The following HNRNPLL variants were observed in gnomAD, a reference collection of about 807,000 sequenced individuals.
HNRNPLL encodes the protein heterogeneous nuclear ribonucleoprotein L like, also known as heterogeneous nuclear ribonucleoprotein L-like.
HNRNPLL carries 25 observed loss-of-function variants against 67.1 expected under a neutral mutation model. The ratio of observed to expected loss-of-function variants is 0.37; its 90% confidence interval spans 0.27 to 0.52. The LOEUF is 0.52. HNRNPLL is among the 20% of genes least tolerant of loss of function. The pLI is 0.90. For synonymous variants in HNRNPLL, 267 were observed against 241.7 expected (o/e 1.10, Z -0.97); for missense variants, 542 against 673.9 (o/e 0.80, Z 2.17).
intron 6 of HNRNPLL, 137 bp downstream of exon 6, chr2:38,581,776 T>C: frequency 7.6e-6 from 5 of 662,122 alleles, no homozygotes; most frequent in Non-Finnish European, 1.3e-5. Flanking sequence ...CAGCATTACA[T>C]GGCCTTTTGC....
intron 1 of HNRNPLL, among the ~76,000 whole-genome samples, chr2:38,593,532 T>C (rs982614505): frequency 1.3e-5 from 2 of 152,178 alleles, no homozygotes. Context: ...GCCTGAACTC[T>C]TCAAAAAGTT....
chr2:38,565,697 C>T (rs1017951185), intron 12 of HNRNPLL, among the ~76,000 whole-genome samples: 12 of 134,594 alleles, frequency 8.9e-5, no homozygotes, highest in African/African-American at 2.6e-4. Context: ...CCACTGCATT[C>T]CAGGCTAGGA....
chr2:38,598,747 C>T (rs902196465), intron 1 of HNRNPLL, among the ~76,000 whole-genome samples: 4 of 152,152 alleles, frequency 2.6e-5, no homozygotes, highest in Non-Finnish European at 4.4e-5. Context: ...GCTCTATGAA[C>T]AGCTCTTTTC....
rs755715926 is a variant in HNRNPLL at position 38,563,111 on chromosome 2, T to A, written c.*1071A>T. On this transcript the variant is annotated 3_prime_UTR_variant, in exon 13 of 13. Transcript: ENST00000449105. Reference sequence around the variant, plus strand: ...TAACAATCGTGCTATAGTCTCTTAATACCATGTTTGGTCCTTAAATCTTAC... The same window carrying A: ...TAACAATCGTGCTATAGTCTCTTAAAACCATGTTTGGTCCTTAAATCTTAC... 2.0e-5 allele frequency: 3 copies of A among 151,936 alleles called. No homozygotes were observed. Among genetic ancestry groups the A allele is most frequent in the African/African-American group, 4.8e-5 (2 of 41,360 alleles). 9.4% of individuals were successfully genotyped at this position (151,936 alleles called of 1,614,324 possible). A position where few individuals can be genotyped will look rare whatever the true frequency, so the allele number is the denominator to read the frequency against.
intron 1 of HNRNPLL, among the ~76,000 whole-genome samples, chr2:38,596,176 C>A (rs1667181344): frequency 6.6e-6 from 1 of 152,128 alleles, no homozygotes; most frequent in South Asian, 2.1e-4. Context: ...CGTTTTCCCC[C>A]TTTTCCCCCA....
chr2:38,575,775 T>C (rs1666278632), intron 7 of HNRNPLL, among the ~76,000 whole-genome samples: 1 of 151,806 alleles, frequency 6.6e-6, no homozygotes, highest in Non-Finnish European at 1.5e-5. Context: ...TCTGAAGGGA[T>C]ACATTTGTGA....
At chr2:38,580,704 C>T (rs1473427924) in intron 6 of HNRNPLL, among the ~76,000 whole-genome samples, 2 of 152,186 alleles carry the variant, frequency 1.3e-5, no homozygotes, top group African/African-American at 4.8e-5. Context: ...AATTGCCACA[C>T]AGTTAGTTGA....
chr2:38,575,168 A>G (rs1421640560), intron 7 of HNRNPLL, among the ~76,000 whole-genome samples: 1 of 151,818 alleles, frequency 6.6e-6, no homozygotes, highest in African/African-American at 2.4e-5. Context: ...TATAATTATG[A>G]CTTTGAGCCA....
Position 38,569,642 on chromosome 2 carries a change from T to C in HNRNPLL, c.1214+162A>G, listed in dbSNP as rs537736680. On this transcript the variant is annotated intron_variant, in intron 9 of 12. Transcript: ENST00000449105. ...GTATCGCTAAGCAAAATCTGAGTGA[T>C]ACGACCCTAACTCTTGTCTAAAATA... 5.9e-5 allele frequency among the ~76,000 whole-genome samples: 9 copies of C among 152,342 alleles called. No individual in the cohort carries two copies. The South Asian group carries it at 1.9e-3, about 32-fold the overall frequency.
At chr2:38,579,977 T>C (rs1238222792) in intron 6 of HNRNPLL, among the ~76,000 whole-genome samples, 2 of 152,188 alleles carry the variant, frequency 1.3e-5, no homozygotes, top group Non-Finnish European at 1.5e-5. Context: ...TATTCACATA[T>C]ATACCTTATA....
intron 2 of HNRNPLL, among the ~76,000 whole-genome samples, chr2:38,586,350 T>C (rs1276669426): frequency 6.6e-6 from 1 of 152,168 alleles, no homozygotes; most frequent in Non-Finnish European, 1.5e-5. Context: ...GTACAACAGG[T>C]AGATGTACAC....
At chr2:38,592,535 G>C (rs1667004087) in intron 1 of HNRNPLL, among the ~76,000 whole-genome samples, 1 of 152,186 alleles carries the variant, frequency 6.6e-6, no homozygotes, top group African/African-American at 2.4e-5. Context: ...GGATGAATAA[G>C]AACTACTCAA....
intron 1 of HNRNPLL, among the ~76,000 whole-genome samples, chr2:38,595,238 C>A (rs1394147586): frequency 1.5e-5 from 2 of 136,546 alleles, no homozygotes; most frequent in Non-Finnish European, 3.1e-5. Context: ...CAAGATCGTG[C>A]CACTCCAGCC....
At chr2:38,575,888 GCT>G (rs981075940) in intron 7 of HNRNPLL, among the ~76,000 whole-genome samples, 21 of 151,150 alleles carry the variant, frequency 1.4e-4, no homozygotes, top group Admixed American at 2.6e-4. Flanking sequence ...CTCTTTATTC[GCT>G]CTCTTTCCTC....
chr2:38,586,883 G>A (rs989030332), intron 2 of HNRNPLL, among the ~76,000 whole-genome samples: 1 of 152,094 alleles, frequency 6.6e-6, no homozygotes, highest in Non-Finnish European at 1.5e-5. Context: ...CTTTTTGGAG[G>A]AGATATATTT....
intron 2 of HNRNPLL, 134 bp from the exon 3 acceptor site, chr2:38,586,015 C>T (rs76078344): frequency 7.6e-6 from 5 of 658,292 alleles, no homozygotes; most frequent in South Asian, 5.6e-5. Flanking sequence ...CTGTGTCCAA[C>T]GTAAGTCAAC....
intron 1 of HNRNPLL, chr2:38,602,201 G>A (rs1234693521): frequency 4.0e-6 from 2 of 493,956 alleles, no homozygotes; most frequent in Non-Finnish European, 7.0e-6. Flanking sequence ...CCCAAGTTCA[G>A]GGCCCGGCAG....
chr2:38,595,526 T>C (rs989314838), intron 1 of HNRNPLL, among the ~76,000 whole-genome samples: 3 of 152,070 alleles, frequency 2.0e-5, no homozygotes, highest in Admixed American at 6.6e-5. Flanking sequence ...TGGAATAAAG[T>C]GAAACCACAG....
chr2:38,562,876 T>A lies in HNRNPLL; in HGVS notation c.*1306A>T, dbSNP rs1210846880. 2.0e-5 allele frequency: 3 copies of A among 152,126 alleles called. No individual in the cohort carries two copies. In the South Asian group the frequency reaches 6.2e-4, roughly 31 times the overall value. The allele number at this position is 152,126 out of a possible 1,614,324, so 9.4% of individuals were successfully genotyped here. ...CTGCCTTATTTCTAAAAGGATTTTT[T>A]ATATTAAAATTTAAAATAAAGTCTT... On this transcript the variant is annotated 3_prime_UTR_variant, in exon 13 of 13. Coordinates refer to ENST00000449105, the MANE Select transcript of HNRNPLL (RefSeq NM_138394.4).
Sources: allele counts gnomAD v4.1 joint callset (sites outside exome capture counted in the v4.1 genomes callset), GRCh38; gene constraint gnomAD v4.1.1; transcripts MANE v1.5; gene names NCBI Gene and HGNC (gene_info 2026-07-23, HGNC 2026-07-21).